MVB12B: variants seen among roughly 807,000 people sequenced by gnomAD.
The protein encoded by MVB12B is ESCRT-I complex subunit MVB12B.
Under a neutral mutation model 41.6 loss-of-function variants are expected in MVB12B, and 16 were observed. That is an observed-to-expected ratio of 0.38 (90% CI 0.26 to 0.58). The LOEUF is 0.58. Among genes scored for constraint, MVB12B ranks in the 20% least tolerant of loss-of-function variants. The probability of loss-of-function intolerance (pLI) is 0.62; values close to 1 mark genes in which losing one functional copy is unlikely to be tolerated. For missense variants in MVB12B, 274 were observed against 380.2 expected (o/e 0.72, Z 2.32); for synonymous variants, 133 against 139.7 (o/e 0.95, Z 0.34).
intron 7 of MVB12B, among the ~76,000 whole-genome samples, chr9:126,457,433 C>A: frequency 6.6e-6 from 1 of 152,332 alleles, no homozygotes; most frequent in East Asian, 1.9e-4. Flanking sequence ...CTCCAGGAAC[C>A]CCAGTGTGTG....
At chr9:126,335,173 C>G in intron 1 of MVB12B, 1 of 1,096,298 alleles carries the variant, frequency 9.1e-7, no homozygotes, top group Non-Finnish European at 1.1e-6. Context: ...CTCCTAGCAG[C>G]TAGTGACTTG....
Position 126,503,430 on chromosome 9 carries a change from T to C in MVB12B, c.*167T>C, listed in dbSNP as rs1245456992. On this transcript the variant is annotated 3_prime_UTR_variant, in exon 10 of 10. Transcript: ENST00000361171. Reference sequence around the variant, plus strand: ...TAAGTGGGCGCATCCTGTCTTCAGCTGGCCTCACTGACACCCCGGCCTCCC... The same window carrying C: ...TAAGTGGGCGCATCCTGTCTTCAGCCGGCCTCACTGACACCCCGGCCTCCC... The C allele has an allele frequency of 1.6e-6, 1 of 613,362 alleles. No individual in the cohort carries two copies. The highest frequency in any genetic ancestry group is 2.9e-6 in the Non-Finnish European group (1 of 347,872). The allele number at this position is 613,362 out of a possible 1,614,324, so 38.0% of individuals were successfully genotyped here. A position where few individuals can be genotyped will look rare whatever the true frequency, so the allele number is the denominator to read the frequency against.
At chr9:126,497,482 C>G (rs1021884761) in intron 9 of MVB12B, among the ~76,000 whole-genome samples, 1 of 152,104 alleles carries the variant, frequency 6.6e-6, no homozygotes, top group African/African-American at 2.4e-5. Context: ...CATGGGACCT[C>G]GGCTCACTCC....
At chr9:126,418,738 C>G (rs750775752) in intron 6 of MVB12B, among the ~76,000 whole-genome samples, 2 of 152,144 alleles carry the variant, frequency 1.3e-5, no homozygotes, top group Non-Finnish European at 2.9e-5. Flanking sequence ...AGACTCCCCA[C>G]GGAGCCTCGA....
At chr9:126,503,078 G>A (rs950261863) in intron 9 of MVB12B, 99 bp from the exon 10 acceptor site, 76 of 1,086,072 alleles carry the variant, frequency 7.0e-5, no homozygotes, top group Admixed American at 2.2e-4. Context: ...CCCACGAGGC[G>A]GCCCAGGCCT....
At chr9:126,383,471 C>A (rs1489028014) in intron 3 of MVB12B, among the ~76,000 whole-genome samples, 1 of 152,156 alleles carries the variant, frequency 6.6e-6, no homozygotes, top group Non-Finnish European at 1.5e-5. Flanking sequence ...GGATATTAAA[C>A]AGAAGGATTT....
chr9:126,482,734 G>C (rs1026331698), intron 8 of MVB12B, among the ~76,000 whole-genome samples: 22 of 152,356 alleles, frequency 1.4e-4, no homozygotes, highest in African/African-American at 4.8e-4. Flanking sequence ...GAGCAGCCGC[G>C]AGCGGAACGT....
intron 6 of MVB12B, among the ~76,000 whole-genome samples, chr9:126,402,779 C>T (rs1037894517): frequency 6.6e-6 from 1 of 152,246 alleles, no homozygotes; most frequent in Non-Finnish European, 1.5e-5. Flanking sequence ...TAGATTTCCT[C>T]TTCCTTCACA....
intron 7 of MVB12B, among the ~76,000 whole-genome samples, chr9:126,457,015 C>G (rs1433197499): frequency 6.6e-6 from 1 of 152,194 alleles, no homozygotes; most frequent in Non-Finnish European, 1.5e-5. Context: ...ATCTTCAGCT[C>G]TCACCAGAGT....
intron 2 of MVB12B, among the ~76,000 whole-genome samples, chr9:126,344,013 T>G (rs1829521254): frequency 6.6e-6 from 1 of 150,600 alleles, no homozygotes; most frequent in African/African-American, 2.5e-5. Context: ...ATAAAGGACA[T>G]GTCTTCTTTT....
chr9:126,344,618 GAC>G (rs1829539593), intron 2 of MVB12B, among the ~76,000 whole-genome samples: 1 of 152,194 alleles, frequency 6.6e-6, no homozygotes, highest in African/African-American at 2.4e-5. Flanking sequence ...GTAGGGGTTG[GAC>G]ACCGCTCTCC....
chr9:126,443,081 T>C (rs1832680501), intron 7 of MVB12B, among the ~76,000 whole-genome samples: 1 of 152,226 alleles, frequency 6.6e-6, no homozygotes, highest in African/African-American at 2.4e-5. Flanking sequence ...CAGAATTTTA[T>C]CTTCAACCCA....
At chr9:126,342,657 G>A (rs1829479319) in intron 2 of MVB12B, among the ~76,000 whole-genome samples, 1 of 152,202 alleles carries the variant, frequency 6.6e-6, no homozygotes, top group Admixed American at 6.5e-5. Context: ...CCCTAACAGG[G>A]AGAGAGGTGG....
At chr9:126,336,744 G>T (rs1275502183) in intron 1 of MVB12B, among the ~76,000 whole-genome samples, 1 of 86,028 alleles carries the variant, frequency 1.2e-5, no homozygotes, top group African/African-American at 4.6e-5. Flanking sequence ...ATACATGTTT[G>T]TGTGTGCACG....
Position 126,368,850 on chromosome 9 carries a change from A to G in MVB12B, c.205-12214A>G, listed in dbSNP as rs117793505. Among the ~76,000 whole-genome samples the G allele has an allele frequency of 2.2e-4, 33 of 152,358 alleles. No individual in the cohort carries two copies. The East Asian group carries it at 5.8e-3, about 27-fold the overall frequency. On this transcript the variant is annotated intron_variant, in intron 2 of 9. Transcript: ENST00000361171. The stretch of plus-strand genomic sequence containing the variant: ...TCCTGACTTTTTTCTCTGCATTTAT[A>G]TGTAAATGACTTACAGAAATACATC...
At chr9:126,483,305 A>G (rs1179388628) in intron 8 of MVB12B, among the ~76,000 whole-genome samples, 4 of 152,330 alleles carry the variant, frequency 2.6e-5, no homozygotes, top group African/African-American at 7.2e-5. Context: ...TTGATTTTTC[A>G]TGCTGTCTGT....
chr9:126,448,479 C>T (rs1372075375), intron 7 of MVB12B: 1 of 152,200 alleles, frequency 6.6e-6, no homozygotes, highest in Non-Finnish European at 1.5e-5. Context: ...CTTCAAGAGC[C>T]TTGTGTTTGG....
At chr9:126,369,958 GT>G (rs913161694) in intron 2 of MVB12B, among the ~76,000 whole-genome samples, 5 of 151,066 alleles carry the variant, frequency 3.3e-5, no homozygotes, top group African/African-American at 9.7e-5. Context: ...CAGCCAGCAT[GT>G]TTTTTTTTCT....
At chr9:126,451,026 G>T (rs1243404738) in intron 7 of MVB12B, among the ~76,000 whole-genome samples, 1 of 152,218 alleles carries the variant, frequency 6.6e-6, no homozygotes, top group Non-Finnish European at 1.5e-5. Flanking sequence ...TGCGGTGAGT[G>T]GCTGTGTTTG....
Sources: allele counts gnomAD v4.1 joint callset (sites outside exome capture counted in the v4.1 genomes callset), GRCh38; gene constraint gnomAD v4.1.1; transcripts MANE v1.5; gene names NCBI Gene and HGNC (gene_info 2026-07-23, HGNC 2026-07-21).